The following SDR42E2 variants were observed in gnomAD, a reference collection of about 807,000 sequenced individuals.
The protein encoded by SDR42E2 is putative short-chain dehydrogenase/reductase family 42E member 2.
SDR42E2 carries 20 observed loss-of-function variants against 10.5 expected under a neutral mutation model. The ratio of observed to expected loss-of-function variants is 1.90; its 90% confidence interval spans 1.34 to 2.77. The LOEUF is 2.77. Ranked by LOEUF, SDR42E2 falls within the 30% of genes most tolerant of loss-of-function variation. SDR42E2 has a pLI of 0.00. For synonymous variants in SDR42E2, 72 were observed against 39.2 expected (o/e 1.84, Z -3.12); for missense variants, 162 against 104.2 (o/e 1.55, Z -2.42).
intron 1 of SDR42E2, among the ~76,000 whole-genome samples, chr16:22,164,618 A>G (rs2046520593): frequency 6.6e-6 from 1 of 152,154 alleles, no homozygotes; most frequent in South Asian, 2.1e-4. Context: ...ACCAGACCCT[A>G]AAGCCTGCAG....
chr16:22,172,778 C>T (rs897560415), intron 7 of SDR42E2, among the ~76,000 whole-genome samples: 1 of 152,130 alleles, frequency 6.6e-6, no homozygotes, highest in Non-Finnish European at 1.5e-5. Flanking sequence ...CCTTGGCTGT[C>T]TTAGTTATTT....
At chr16:22,169,857 C>T (rs1042570717) in intron 5 of SDR42E2, among the ~76,000 whole-genome samples, 3 of 151,428 alleles carry the variant, frequency 2.0e-5, no homozygotes, top group Non-Finnish European at 2.9e-5. Context: ...ATGGTGAAAC[C>T]CCACCTCTAC....
At chr16:22,186,632 T>C (rs771749985) in intron 11 of SDR42E2, 89 bp from the exon 12 acceptor site, 1 of 400,936 alleles carries the variant, frequency 2.5e-6, no homozygotes. Flanking sequence ...GCAAAGCAAA[T>C]GGTGTCCCCC....
chr16:22,188,129 C>T (rs139374385), intron 12 of SDR42E2, among the ~76,000 whole-genome samples: 15 of 151,842 alleles, frequency 9.9e-5, no homozygotes, highest in Admixed American at 9.2e-4. Context: ...AGTCCACTCT[C>T]GTTTTATTGT....
chr16:22,176,916 G>T (rs190330172), intron 7 of SDR42E2, among the ~76,000 whole-genome samples: 11 of 152,346 alleles, frequency 7.2e-5, no homozygotes, highest in Admixed American at 7.2e-4. Flanking sequence ...AGTGAAAGGG[G>T]TACAGACCCC....
At chr16:22,169,005 G>A (rs975926067) in intron 4 of SDR42E2, among the ~76,000 whole-genome samples, 2 of 152,124 alleles carry the variant, frequency 1.3e-5, no homozygotes. Context: ...CCTCACAGCG[G>A]CCTAATTTTT....
intron 12 of SDR42E2, among the ~76,000 whole-genome samples, chr16:22,188,800 C>G: frequency 6.6e-6 from 1 of 152,006 alleles, no homozygotes; most frequent in East Asian, 1.9e-4. Context: ...TCAACCAGCC[C>G]TCCAGTTTGA....
intron 7 of SDR42E2, among the ~76,000 whole-genome samples, chr16:22,174,438 C>A (rs1205015695): frequency 6.6e-6 from 1 of 152,040 alleles, no homozygotes; most frequent in Non-Finnish European, 1.5e-5. Context: ...GGATTTGAAC[C>A]CCAGGAGAGT....
At chr16:22,165,783 G>A (rs550218140) in intron 2 of SDR42E2, 146 bp downstream of exon 2, 11 of 401,086 alleles carry the variant, frequency 2.7e-5, no homozygotes, top group African/African-American at 1.0e-4. Flanking sequence ...GACCTCAGGC[G>A]GGTTCTGGTA....
intron 11 of SDR42E2, among the ~76,000 whole-genome samples, 191 bp downstream of exon 11, chr16:22,184,435 C>G (rs767866534): frequency 2.6e-5 from 4 of 152,096 alleles, no homozygotes; most frequent in Non-Finnish European, 5.9e-5. Flanking sequence ...AACCCCATCT[C>G]TACTAAAAAT....
chr16:22,167,165 ATTTTTTTT>A (rs534502295), intron 4 of SDR42E2, among the ~76,000 whole-genome samples, 166 bp downstream of exon 4: 1 of 37,722 alleles, frequency 2.7e-5, no homozygotes, highest in Admixed American at 3.8e-4. Context: ...CAGTTCTGCC[ATTTTTTTT>A]TTTTTTTTTT....
In SDR42E2 at chr16:22,191,490, A is replaced by T. The variant is rs1218452385; in HGVS notation, c.*1097A>T. On this transcript the variant is annotated 3_prime_UTR_variant, in exon 13 of 13. Transcript: ENST00000602312. ...CCGTCGGCTGCTGCTCTGTCTGGTA[A>T]CATTGCATTCGATCCACCCCGACCC... 6.6e-6 allele frequency: 1 copy of T among 152,136 alleles called. No individual in the cohort carries two copies. The allele number at this position is 152,136 out of a possible 1,614,324, so 9.4% of individuals were successfully genotyped here.
chr16:22,169,449 A>G lies in SDR42E2; in HGVS notation c.341A>G (p.Gln114Arg). Residue 114 changes from glutamine to arginine, a missense_variant, in exon 5 of 13, where the codon CAG (glutamine) becomes CGG (arginine). Transcript: ENST00000602312. The stretch of plus-strand genomic sequence containing the variant: ...CTCACCTGTCTTGTCTTTTAGCTGC[A>G]GAAAGAGCAGATTGAGTCTATAAAT... Reference protein sequence around the residue: ...SYGMSGAEKLQKEQIESINVG... With the variant: ...SYGMSGAEKLRKEQIESINVG... 1 of 703,568 alleles carries G rather than the reference A, an allele frequency of 1.4e-6. No homozygotes were observed. The highest frequency in any genetic ancestry group is 2.6e-6 in the Non-Finnish European group (1 of 385,120). The allele number at this position is 703,568 out of a possible 1,614,324, so 43.6% of individuals were successfully genotyped here.
Position 22,174,982 on chromosome 16 carries a change from C to T in SDR42E2, c.589+2651C>T, listed in dbSNP as rs530761105. ...TCATTTCCACTCCCTACTATCCAAG[C>T]GGGTTCCTGAAACTGTTCTTCTGAC... On this transcript the variant is annotated intron_variant, in intron 7 of 12. Transcript: ENST00000602312. Among the ~76,000 whole-genome samples the T allele has an allele frequency of 1.8e-4, 27 of 152,248 alleles. No individual in the cohort carries two copies. The South Asian group carries it at 3.7e-3, about 21-fold the overall frequency.
intron 7 of SDR42E2, among the ~76,000 whole-genome samples, chr16:22,176,424 T>C (rs967012665): frequency 1.1e-4 from 17 of 152,180 alleles, no homozygotes; most frequent in Non-Finnish European, 2.2e-4. Context: ...TGCATGTAGG[T>C]AAAAACCTTA....
chr16:22,188,336 A>G (rs548543300), intron 12 of SDR42E2, among the ~76,000 whole-genome samples: 21 of 152,254 alleles, frequency 1.4e-4, no homozygotes, highest in Admixed American at 1.0e-3. Context: ...AGAAGTAGTC[A>G]CCTATGGCTT....
chr16:22,181,040 G>A (rs1238580687), intron 8 of SDR42E2, among the ~76,000 whole-genome samples: 1 of 152,194 alleles, frequency 6.6e-6, no homozygotes, highest in African/African-American at 2.4e-5. Flanking sequence ...CTGCCTGGCT[G>A]GGCAGAGAAC....
intron 8 of SDR42E2, among the ~76,000 whole-genome samples, chr16:22,180,773 G>A (rs1423793082): frequency 2.0e-5 from 3 of 152,148 alleles, no homozygotes; most frequent in Non-Finnish European, 4.4e-5. Flanking sequence ...TTGGGAGGCC[G>A]AGATGGGTGG....
chr16:22,188,173 A>G (rs1238054705), intron 12 of SDR42E2, among the ~76,000 whole-genome samples: 2 of 152,200 alleles, frequency 1.3e-5, no homozygotes, highest in East Asian at 3.9e-4. Context: ...AAGGTCAAAA[A>G]AAAATCGTGA....
Sources: gnomAD v4.1 joint callset for allele counts (sites outside exome capture counted in the v4.1 genomes callset) on GRCh38, gnomAD v4.1.1 for gene constraint, MANE v1.5 for transcripts, NCBI Gene and HGNC (gene_info 2026-07-23, HGNC 2026-07-21) for gene names.